MAN1B1: variants seen among roughly 807,000 people sequenced by gnomAD.
MAN1B1 encodes endoplasmic reticulum mannosyl-oligosaccharide 1,2-alpha-mannosidase.
MAN1B1 carries 66 observed loss-of-function variants against 75.5 expected under a neutral mutation model. The observed-to-expected ratio is 0.87, with a 90% CI of 0.72 to 1.07. MAN1B1 has a LOEUF of 1.07. Among genes scored for constraint, MAN1B1 ranks in the 50% least tolerant of loss-of-function variants. MAN1B1 has a pLI of 0.00. For synonymous variants in MAN1B1, 453 were observed against 382.8 expected, an observed-to-expected ratio of 1.18 and a Z score of -2.14; for missense variants, 973 against 912.5, an observed-to-expected ratio of 1.07 and a Z score of -0.85.
rs372199397 is a variant in MAN1B1, at chr9:137,106,363, G to A, written c.1445+48G>A. On this transcript the variant is annotated intron_variant, in intron 9 of 12. Transcript: ENST00000371589. ...CAGCTCCCGCGGCTCCCCCGTTCCC[G>A]CAGCCCCCCACTCCTGCTGCCCCCA... 8.7e-4 allele frequency: 1,303 copies of A among 1,495,008 alleles called. 2 individuals carry two copies. The highest frequency in any genetic ancestry group is 1.1e-3 in the Non-Finnish European group (1,197 of 1,108,028). The allele number at this position is 1,495,008 out of a possible 1,614,324, so 92.6% of individuals were successfully genotyped here.
chr9:137,102,401 G>A (rs369260052), intron 8 of MAN1B1: 73 of 407,746 alleles, frequency 1.8e-4, no homozygotes, highest in Admixed American at 1.1e-3. Context: ...TGTTACACAC[G>A]CTGTTGCAGG....
intron 3 of MAN1B1, among the ~76,000 whole-genome samples, chr9:137,094,910 G>A (rs1830614929): frequency 7.1e-6 from 1 of 141,588 alleles, no homozygotes; most frequent in Admixed American, 7.0e-5. Flanking sequence ...AAAACAGGCT[G>A]GGCATGGTGG....
Position 137,108,984 on chromosome 9 carries a change from A to G in MAN1B1, c.*393A>G, listed in dbSNP as rs575316488. ...GCTCGTGAAGCCTCAGATGTCCCCA[A>G]TCCAAGGGTCTGGAGGGGCTGCCGT... is the stretch of plus-strand genomic sequence containing the variant. On this transcript the variant is annotated 3_prime_UTR_variant, in exon 13 of 13. Transcript: ENST00000371589. The G allele has an allele frequency of 8.5e-4, 391 of 462,650 alleles. 2 individuals are homozygous for G. Among genetic ancestry groups the G allele is most frequent in the African/African-American group, 4.9e-3 (246 of 50,390 alleles). 28.7% of individuals were successfully genotyped at this position (462,650 alleles called of 1,614,324 possible). A position where few individuals can be genotyped will look rare whatever the true frequency, so the allele number is the denominator to read the frequency against.
rs775866504 is a variant in MAN1B1, at chr9:137,108,581, C to T, written c.2090C>T (p.Thr697Ile). Reference sequence around the variant, plus strand: ...GAAGCCCACCCTCTGCCTATCTGGACCCCTGCCTAGGGTGGATGGCTGCTG... The same window carrying T: ...GAAGCCCACCCTCTGCCTATCTGGATCCCTGCCTAGGGTGGATGGCTGCTG... ...NTEAHPLPIW[T>I]PA Residue 697 changes from threonine (T) to isoleucine (I), a missense_variant, in exon 13 of 13, where the codon ACC becomes ATC. By Grantham distance (89) the Thr-to-Ile change is moderately conservative (BLOSUM62 -1). Coordinates refer to ENST00000371589, the MANE Select transcript of MAN1B1 (RefSeq NM_016219.5). The T allele has an allele frequency of 6.2e-6, 10 of 1,613,744 alleles. No individual in the cohort carries two copies. The highest frequency in any genetic ancestry group is 8.5e-6 in the Non-Finnish European group (10 of 1,179,974).
At chr9:137,087,325 G>T in intron 1 of MAN1B1, 107 bp downstream of exon 1, 1 of 1,269,150 alleles carries the variant, frequency 7.9e-7, no homozygotes, top group Non-Finnish European at 1.1e-6. Flanking sequence ...CTCCCCAGGC[G>T]CCGCCCTCTC....
intron 8 of MAN1B1, chr9:137,102,204 T>C (rs1830846611): frequency 4.2e-6 from 1 of 237,588 alleles, no homozygotes; most frequent in Non-Finnish European, 8.4e-6. Context: ...GTGTTACACG[T>C]GCTGTTGCAG....
Position 137,108,402 on chromosome 9 carries a change from C to T in MAN1B1, c.1911C>T (p.Gly637=). 1 of 1,613,678 alleles carries T rather than the reference C, an allele frequency of 6.2e-7. No homozygotes were observed. Among genetic ancestry groups the T allele is most frequent in the Non-Finnish European group, 8.5e-7 (1 of 1,179,992 alleles). ...FSRFTRVPSG[G]YSSINNVQDP... ...CTGCTGCACAGGTCCCCTCGGGTGGCTATTCTTCCATCAACAATGTCCAGG... is the reference window on the plus strand; with the variant it reads ...CTGCTGCACAGGTCCCCTCGGGTGGTTATTCTTCCATCAACAATGTCCAGG... The change falls in exon 13 of 13, where the codon GGC becomes GGT. Residue 637 remains glycine, a synonymous_variant. Coordinates refer to ENST00000371589, the MANE Select transcript of MAN1B1 (RefSeq NM_016219.5).
chr9:137,090,096 G>A (rs1186788650), intron 3 of MAN1B1, among the ~76,000 whole-genome samples: 1 of 152,104 alleles, frequency 6.6e-6, no homozygotes, highest in Non-Finnish European at 1.5e-5. Context: ...CTGGGGATGG[G>A]TCAGGAGGCA....
chr9:137,104,316 A>C (rs933389095), intron 8 of MAN1B1: 60 of 322,730 alleles, frequency 1.9e-4, no homozygotes, highest in South Asian at 1.6e-3. Flanking sequence ...GCTCACTGCA[A>C]CCTCCACTCC....
chr9:137,088,281 A>T, intron 2 of MAN1B1, 98 bp downstream of exon 2: 1 of 1,612,120 alleles, frequency 6.2e-7, no homozygotes, highest in Non-Finnish European at 8.5e-7. Flanking sequence ...CAGGAGGCAT[A>T]TATGGCAACG....
intron 6 of MAN1B1, among the ~76,000 whole-genome samples, 185 bp from the exon 7 acceptor site, chr9:137,100,820 A>T (rs1355076088): frequency 2.0e-5 from 3 of 152,136 alleles, no homozygotes; most frequent in African/African-American, 7.2e-5. Context: ...GGGTTTTCCC[A>T]TGTTGTCCAG....
chr9:137,107,213 C>T, intron 10 of MAN1B1, 37 bp from the exon 11 acceptor site: 1 of 1,603,604 alleles, frequency 6.2e-7, no homozygotes, highest in Non-Finnish European at 8.5e-7. Flanking sequence ...GAGGGCAGGG[C>T]CTGGGATCTG....
intron 5 of MAN1B1, 31 bp from the exon 6 acceptor site, chr9:137,099,665 G>T (rs747794937): frequency 2.5e-6 from 4 of 1,612,390 alleles, no homozygotes; most frequent in East Asian, 4.5e-5. Flanking sequence ...GACCACGTCC[G>T]CCATGGCCTG....
chr9:137,107,676 C>T lies in MAN1B1; in HGVS notation c.1896+14C>T, dbSNP rs755163188. ...CGATTCACACGGGTGAGCACCTGTC[C>T]TCGCCCCGCGTGGTCACGGCCACCG... On this transcript the variant is annotated intron_variant, in intron 12 of 12. Transcript: ENST00000371589. 6.2e-7 allele frequency: 1 copy of T among 1,609,764 alleles called. No homozygotes were observed. The highest frequency in any genetic ancestry group is 8.5e-7 in the Non-Finnish European group (1 of 1,179,936).
At position 137,103,225 on chromosome 9, in the gene MAN1B1, C is replaced by T. The variant is rs1294187890; in HGVS notation, c.1254+1553C>T. 1.4e-5 allele frequency: 4 copies of T among 290,232 alleles called. No homozygotes were observed. The African/African-American group carries it at 1.9e-4, about 14-fold the overall frequency. The allele number at this position is 290,232 out of a possible 1,614,324, so 18.0% of individuals were successfully genotyped here. The stretch of plus-strand genomic sequence containing the variant: ...AGGCGTGCAGGTCGGTGGTGTTACA[C>T]ACATTCATGGTGTTGCAGGCGTGCA... On this transcript the variant is annotated intron_variant, in intron 8 of 12. Coordinates refer to ENST00000371589, the MANE Select transcript of MAN1B1 (RefSeq NM_016219.5).
intron 8 of MAN1B1, chr9:137,105,631 C>T (rs1831066457): frequency 6.2e-6 from 2 of 322,476 alleles, no homozygotes; most frequent in South Asian, 2.6e-5. Context: ...GCCAGCTGGG[C>T]GTAAGCCCTG....
chr9:137,103,299 T>G (rs1402744150), intron 8 of MAN1B1: 3 of 180,774 alleles, frequency 1.7e-5, no homozygotes, highest in African/African-American at 1.3e-4. Flanking sequence ...CGGTGGTACA[T>G]TCATGCTGTT....
At chr9:137,105,591 G>A in intron 8 of MAN1B1, 1 of 313,220 alleles carries the variant, frequency 3.2e-6, no homozygotes, top group Non-Finnish European at 6.1e-6. Flanking sequence ...GGTACCCTGT[G>A]CCCCTCTGTG....
chr9:137,091,535 T>A (rs1485084913), intron 3 of MAN1B1, among the ~76,000 whole-genome samples: 8 of 147,282 alleles, frequency 5.4e-5, no homozygotes, highest in African/African-American at 2.0e-4. Flanking sequence ...TTTTTTTTTT[T>A]TTTTTTTTTG....
Sources: allele counts gnomAD v4.1 joint callset (sites outside exome capture counted in the v4.1 genomes callset), GRCh38; gene constraint gnomAD v4.1.1; transcripts MANE v1.5; gene names NCBI Gene and HGNC (gene_info 2026-07-23, HGNC 2026-07-21).